Variants in SUGCT observed in about 807,000 individuals in gnomAD.
SUGCT encodes the protein succinyl-CoA:glutarate-CoA transferase, also known as succinyl-CoA:glutarate CoA-transferase.
In SUGCT, 41 loss-of-function variants were observed where a neutral mutation model predicts 55.0. The ratio of observed to expected loss-of-function variants is 0.74; its 90% CI spans 0.58 to 0.97. SUGCT has a LOEUF of 0.97. Among genes scored for constraint, SUGCT ranks in the 50% least tolerant of loss-of-function variants. The probability of loss-of-function intolerance (pLI) is 0.00; values close to 1 mark genes in which losing one functional copy is unlikely to be tolerated. For missense variants in SUGCT, 568 were observed against 547.8 expected, an observed-to-expected ratio of 1.04 and a Z score of -0.37; for synonymous variants, 187 against 200.4, an observed-to-expected ratio of 0.93 and a Z score of 0.56.
chr7:40,150,894 A>G (rs1396219413), intron 1 of SUGCT, among the ~76,000 whole-genome samples: 2 of 152,188 alleles, frequency 1.3e-5, no homozygotes, highest in Admixed American at 6.5e-5. Context: ...GGGAATTACC[A>G]TGTATATGAT....
chr7:40,602,801 C>G (rs914490444), intron 12 of SUGCT, among the ~76,000 whole-genome samples: 17 of 152,164 alleles, frequency 1.1e-4, no homozygotes, highest in African/African-American at 3.9e-4. Flanking sequence ...TATGTACTAT[C>G]TCTCCCTTCC....
intron 8 of SUGCT, among the ~76,000 whole-genome samples, chr7:40,284,088 A>G (rs1793151636): frequency 6.6e-6 from 1 of 151,876 alleles, no homozygotes. Flanking sequence ...GTGGAATCTG[A>G]AAAAGTTGAA....
intron 8 of SUGCT, among the ~76,000 whole-genome samples, chr7:40,295,810 T>A (rs1050134273): frequency 6.6e-6 from 1 of 152,232 alleles, no homozygotes; most frequent in Non-Finnish European, 1.5e-5. Context: ...TTGCATTTTT[T>A]AACGCCTGCC....
chr7:40,540,751 G>A (rs1209218148), intron 12 of SUGCT, among the ~76,000 whole-genome samples: 2 of 152,232 alleles, frequency 1.3e-5, no homozygotes, highest in African/African-American at 4.8e-5. Flanking sequence ...CCCTGCACAT[G>A]GGACCGAGGA....
chr7:40,625,912 C>T (rs966342719), intron 12 of SUGCT, among the ~76,000 whole-genome samples: 3 of 152,140 alleles, frequency 2.0e-5, no homozygotes, highest in South Asian at 2.1e-4. Context: ...AGCAATTGCT[C>T]AGCATCAAGC....
At chr7:40,143,843 CCATA>C (rs1190450239) in intron 1 of SUGCT, among the ~76,000 whole-genome samples, 1 of 152,106 alleles carries the variant, frequency 6.6e-6, no homozygotes, top group African/African-American at 2.4e-5. Flanking sequence ...AGCCCCCATA[CCATA>C]AAACTGGCTT....
chr7:40,300,458 G>A (rs566328608), intron 8 of SUGCT, among the ~76,000 whole-genome samples: 1 of 152,300 alleles, frequency 6.6e-6, no homozygotes, highest in African/African-American at 2.4e-5. Flanking sequence ...CTAAGATAAC[G>A]ATCATTGTTG....
intron 13 of SUGCT, among the ~76,000 whole-genome samples, chr7:40,859,602 G>C (rs1341605344): frequency 6.6e-6 from 1 of 152,190 alleles, no homozygotes; most frequent in African/African-American, 2.4e-5. Flanking sequence ...CATTAGCATG[G>C]GTTAGGGAAT....
At chr7:40,225,838 G>C (rs1266499061) in intron 6 of SUGCT, among the ~76,000 whole-genome samples, 2 of 152,264 alleles carry the variant, frequency 1.3e-5, no homozygotes, top group Non-Finnish European at 1.5e-5. Context: ...GAAAGTAGCT[G>C]TGTATCTTTG....
At chr7:40,622,763 A>G (rs1186360986) in intron 12 of SUGCT, among the ~76,000 whole-genome samples, 1 of 151,406 alleles carries the variant, frequency 6.6e-6, no homozygotes, top group African/African-American at 2.4e-5. Flanking sequence ...TCGGGGTGGG[A>G]AGATCTAATT....
intron 9 of SUGCT, among the ~76,000 whole-genome samples, chr7:40,406,258 T>A (rs1786365388): frequency 6.6e-6 from 1 of 152,120 alleles, no homozygotes; most frequent in Non-Finnish European, 1.5e-5. Context: ...ATACCTCCAA[T>A]ACCAATCTTA....
the SUGCT span, among the ~76,000 whole-genome samples, chr7:40,971,706 A>G: frequency 0.87 from 132,657 of 152,082 alleles, 57,866 homozygotes; most frequent in Middle Eastern, 0.88. Flanking sequence ...TAAGAGGATC[A>G]TGTCTAAGAT....
At chr7:40,766,263 T>C (rs1183136106) in intron 13 of SUGCT, among the ~76,000 whole-genome samples, 1 of 152,140 alleles carries the variant, frequency 6.6e-6, no homozygotes, top group African/African-American at 2.4e-5. Context: ...CCAGCTGGAG[T>C]GCAGTGGCGT....
chr7:40,259,622 G>A (rs1452937589), intron 7 of SUGCT, among the ~76,000 whole-genome samples: 1 of 152,138 alleles, frequency 6.6e-6, no homozygotes, highest in Non-Finnish European at 1.5e-5. Context: ...AGCATCACAC[G>A]AGGTATATGT....
chr7:40,657,240 C>T (rs886928273), intron 12 of SUGCT, among the ~76,000 whole-genome samples: 1 of 151,846 alleles, frequency 6.6e-6, no homozygotes, highest in Non-Finnish European at 1.5e-5. Context: ...ATATATGTAT[C>T]TATTATGCTT....
chr7:40,718,622 A>G (rs1278324703), intron 12 of SUGCT, among the ~76,000 whole-genome samples: 1 of 152,258 alleles, frequency 6.6e-6, no homozygotes, highest in African/African-American at 2.4e-5. Flanking sequence ...TCCAATAAAA[A>G]GGGAGCAAAA....
At chr7:40,810,414 G>A (rs1406238455) in intron 13 of SUGCT, among the ~76,000 whole-genome samples, 1 of 152,098 alleles carries the variant, frequency 6.6e-6, no homozygotes, top group Admixed American at 6.5e-5. Context: ...CTTCTCTGCA[G>A]CCTCACCAGC....
intron 12 of SUGCT, among the ~76,000 whole-genome samples, chr7:40,612,583 G>C (rs1407127299): frequency 6.6e-6 from 1 of 152,126 alleles, no homozygotes; most frequent in Non-Finnish European, 1.5e-5. Context: ...GATTGGAATA[G>C]CATCACCCTC....
At chr7:40,941,760 G>C in the SUGCT span, among the ~76,000 whole-genome samples, 1 of 151,980 alleles carries the variant, frequency 6.6e-6, no homozygotes, top group African/African-American at 2.4e-5. Context: ...AGAGTTAGGT[G>C]GGTATATATT....
Sources: allele counts gnomAD v4.1 joint callset (sites outside exome capture counted in the v4.1 genomes callset), GRCh38; gene constraint gnomAD v4.1.1; transcripts MANE v1.5; gene names NCBI Gene and HGNC (gene_info 2026-07-23, HGNC 2026-07-21).